DMD: variants seen among roughly 807,000 people sequenced by gnomAD.
The protein encoded by DMD is dystrophin, also known as mutant dystrophin.
In DMD, 63 loss-of-function variants were observed where a neutral mutation model predicts 330.1. The observed-to-expected ratio is 0.19, with a 90% CI of 0.16 to 0.24. The LOEUF (loss-of-function observed/expected upper bound fraction) is 0.24, where lower values mean the gene tolerates loss of function less well. Ranked by LOEUF, DMD falls within the 10% of genes least tolerant of loss-of-function variation. The pLI is 1.00. For synonymous variants in DMD, 1,223 were observed against 959.8 expected (o/e 1.27, Z -5.07); for missense variants, 3,344 against 2,684.1 (o/e 1.25, Z -5.43).
intron 44 of DMD, among the ~76,000 whole-genome samples, chrX:32,059,064 C>G (rs2096203476): frequency 9.0e-6 from 1 of 110,629 alleles, no homozygotes; most frequent in Non-Finnish European, 1.9e-5. Context: ...ACAGAAAGTA[C>G]AATGGTGGTT....
intron 44 of DMD, among the ~76,000 whole-genome samples, chrX:31,988,930 TC>T (rs2095530785): frequency 9.0e-6 from 1 of 111,156 alleles, no homozygotes; most frequent in Middle Eastern, 4.6e-3. Flanking sequence ...CCTGTCTGAG[TC>T]CAAAGGCATG....
At chrX:32,229,537 C>G (rs2097159989) in intron 43 of DMD, among the ~76,000 whole-genome samples, 1 of 104,299 alleles carries the variant, frequency 9.6e-6, no homozygotes, top group African/African-American at 3.5e-5. Flanking sequence ...TAGAAGTAAT[C>G]CCTCCCCTCT....
intron 16 of DMD, among the ~76,000 whole-genome samples, chrX:32,557,915 GTAAT>G (rs2050504014): frequency 9.1e-6 from 1 of 109,439 alleles, no homozygotes; most frequent in Non-Finnish European, 1.9e-5. Context: ...ATTAATTACT[GTAAT>G]TAATTTATTA....
chrX:32,256,699 C>T (rs1603629392), intron 43 of DMD, among the ~76,000 whole-genome samples: 1 of 111,130 alleles, frequency 9.0e-6, no homozygotes, highest in South Asian at 3.8e-4. Context: ...CTCTTGTAAG[C>T]CAGGCCTGGT....
chrX:32,134,010 C>T (rs1315832429), intron 44 of DMD, among the ~76,000 whole-genome samples: 1 of 111,564 alleles, frequency 9.0e-6, no homozygotes, highest in Non-Finnish European at 1.9e-5. Context: ...TGATTCAACC[C>T]CATGCCTCAT....
At chrX:31,340,268 G>T (rs1388176352) in intron 61 of DMD, among the ~76,000 whole-genome samples, 2 of 112,423 alleles carry the variant, frequency 1.8e-5, no homozygotes, top group Non-Finnish European at 3.8e-5. Context: ...AATCTGAGAA[G>T]GTCACTCAAT....
intron 18 of DMD, among the ~76,000 whole-genome samples, chrX:32,506,536 T>G (rs2044646495): frequency 2.7e-5 from 3 of 110,688 alleles, no homozygotes; most frequent in African/African-American, 9.8e-5. Flanking sequence ...AAAAAAAATC[T>G]ATAAGGTAGT....
At chrX:31,734,917 G>C (rs2086765555) in intron 51 of DMD, among the ~76,000 whole-genome samples, 1 of 110,947 alleles carries the variant, frequency 9.0e-6, no homozygotes. Flanking sequence ...AAACACCACT[G>C]CTCCTCATAC....
In DMD at chrX:32,826,880, GTA is replaced by G. The variant is rs1490311798; in HGVS notation, c.265-3495_265-3494del. ...CCAAATGATAAACATATAAGTTAAT[GTA>G]TATGTTTATTAGCTTGAAGCATTCC... On this transcript the variant is annotated intron_variant, in intron 4 of 78. Coordinates refer to ENST00000357033, the MANE Select transcript of DMD (RefSeq NM_004006.3). 1.1e-3 allele frequency among the ~76,000 whole-genome samples: 120 copies of G among 110,945 alleles called. 1 individual carries two copies. Among genetic ancestry groups the G allele is most frequent in the African/African-American group, 3.7e-3 (114 of 30,473 alleles).
intron 44 of DMD, among the ~76,000 whole-genome samples, chrX:32,018,945 C>G (rs1410243001): frequency 9.0e-6 from 1 of 111,695 alleles, no homozygotes. Context: ...TGAATTAACC[C>G]TTAGAGTGTC....
intron 41 of DMD, among the ~76,000 whole-genome samples, chrX:32,324,292 G>C (rs773653907): frequency 3.7e-4 from 41 of 111,162 alleles, no homozygotes; most frequent in Non-Finnish European, 7.2e-4. Flanking sequence ...AAGTTAAAAA[G>C]ACAAAATTAT....
chrX:32,375,673 C>CTTGT (rs1569560261), intron 34 of DMD, among the ~76,000 whole-genome samples: 1 of 111,498 alleles, frequency 9.0e-6, no homozygotes, highest in African/African-American at 3.3e-5. Context: ...ACAGAGATAG[C>CTTGT]TCTTGTTCTG....
At chrX:32,516,794 G>A (rs1167915433) in intron 18 of DMD, 1 of 111,100 alleles carries the variant, frequency 9.0e-6, no homozygotes, top group African/African-American at 3.3e-5. Flanking sequence ...CTTGAAAAAA[G>A]ACATTTAGCT....
At chrX:33,087,969 C>T (rs932065123) in intron 1 of DMD, among the ~76,000 whole-genome samples, 6 of 111,360 alleles carry the variant, frequency 5.4e-5, no homozygotes, top group Admixed American at 2.9e-4. Context: ...TCTTAGCTCC[C>T]CCAAACTGAA....
At chrX:32,353,815 C>T (rs1040822184) in intron 37 of DMD, among the ~76,000 whole-genome samples, 6 of 110,367 alleles carry the variant, frequency 5.4e-5, no homozygotes, top group African/African-American at 9.8e-5. Context: ...ACAGAGAAAC[C>T]GAGAAAGACA....
At chrX:32,686,297 T>G (rs1488887568) in intron 9 of DMD, among the ~76,000 whole-genome samples, 2 of 111,325 alleles carry the variant, frequency 1.8e-5, no homozygotes, top group Admixed American at 1.9e-4. Flanking sequence ...ATGGCTCACA[T>G]CTGTAATCAC....
intron 59 of DMD, among the ~76,000 whole-genome samples, chrX:31,451,439 C>T (rs764213126): frequency 2.8e-5 from 3 of 108,520 alleles, no homozygotes; most frequent in South Asian, 4.1e-4. Flanking sequence ...CCCGCCACCA[C>T]GCCTGGCTAA....
intron 2 of DMD, among the ~76,000 whole-genome samples, chrX:32,973,674 G>A (rs2092456971): frequency 8.9e-6 from 1 of 111,967 alleles, no homozygotes; most frequent in African/African-American, 3.2e-5. Flanking sequence ...ATATTGCAGA[G>A]CATAAACAGA....
chrX:32,874,343 G>C (rs996394450), intron 2 of DMD, among the ~76,000 whole-genome samples: 1 of 111,774 alleles, frequency 8.9e-6, no homozygotes, highest in Admixed American at 9.5e-5. Context: ...AGAAAATGTA[G>C]AAGAATGAAC....
Sources: gnomAD v4.1 joint callset for allele counts (sites outside exome capture counted in the v4.1 genomes callset) on GRCh38, gnomAD v4.1.1 for gene constraint, MANE v1.5 for transcripts, NCBI Gene and HGNC (gene_info 2026-07-23, HGNC 2026-07-21) for gene names.